CELA3B: variants seen among roughly 807,000 people sequenced by gnomAD.
CELA3B encodes chymotrypsin-like elastase family member 3B.
Under a neutral mutation model 37.2 loss-of-function variants are expected in CELA3B, and 34 were observed. The ratio of observed to expected loss-of-function variants is 0.91; its 90% CI spans 0.70 to 1.22. The LOEUF is 1.22. Ranked by LOEUF, CELA3B falls within the 50% of genes most tolerant of loss-of-function variation. The pLI, the probability that CELA3B is intolerant of heterozygous loss-of-function variation, is 0.00. For synonymous variants in CELA3B, 127 were observed against 143.5 expected, an observed-to-expected ratio of 0.89 and a Z score of 0.82; for missense variants, 340 against 363.1, an observed-to-expected ratio of 0.94 and a Z score of 0.52.
intron 7 of CELA3B, among the ~76,000 whole-genome samples, chr1:21,988,723 C>A (rs558680120): frequency 2.9e-4 from 44 of 151,678 alleles, no homozygotes; most frequent in African/African-American, 8.5e-4. Context: ...AACCCTGTCT[C>A]TACTAAAAAT....
intron 7 of CELA3B, 73 bp downstream of exon 7, chr1:21,986,756 G>C: frequency 1.3e-6 from 2 of 1,510,344 alleles, no homozygotes; most frequent in South Asian, 1.2e-5. Context: ...GAGAAACATC[G>C]GATCCTGGGG....
At chr1:21,991,646 A>C (rs1401667564), downstream of CELA3B, among the ~76,000 whole-genome samples, 4 of 150,872 alleles carry the variant, frequency 2.7e-5, no homozygotes, top group Admixed American at 6.6e-5. Flanking sequence ...AGGATCTATA[A>C]ATTTGGAAAG....
rs1452514390 is a variant in CELA3B at position 21,980,838 on chromosome 1, T to C, written c.144T>C (p.Tyr48=). The part of the protein sequence containing the change: ...YSWPWQVSLQ[Y]EKSGSFYHTC... Reference sequence around the variant, plus strand: ...TGGGCCACCAGGTTTCCCTGCAGTATGAGAAAAGCGGAAGCTTCTACCACA... The same window carrying C: ...TGGGCCACCAGGTTTCCCTGCAGTACGAGAAAAGCGGAAGCTTCTACCACA... The change falls in exon 3 of 8, where the codon TAT becomes TAC. Residue 48 remains tyrosine, a synonymous_variant. Coordinates refer to ENST00000337107, the MANE Select transcript of CELA3B (RefSeq NM_007352.4). The C allele has an allele frequency of 1.3e-6, 2 of 1,597,014 alleles. No individual in the cohort carries two copies. The highest frequency in any genetic ancestry group is 1.7e-6 in the Non-Finnish European group (2 of 1,167,838).
At position 21,984,203 on chromosome 1, in the gene CELA3B, C is replaced by G. The variant is rs140887498; in HGVS notation, c.514C>G (p.Pro172Ala). 6.2e-7 allele frequency: 1 copy of G among 1,613,714 alleles called. No homozygotes were observed. Among genetic ancestry groups the G allele is most frequent in the African/African-American group, 1.3e-5 (1 of 74,928 alleles). ...TATCGCTGCAGCCAACGGGCCACTC[C>G]CAGACAAGCTGCAGGAGGCCCTGCT... ...WGRLYTNGPL[P>A]DKLQEALLPV... is the part of the protein sequence containing the mutation. The change falls in exon 6 of 8, where the codon CCA (proline) becomes GCA (alanine). Residue 172 changes from proline to alanine, a missense_variant. By Grantham distance (27) the Pro-to-Ala change is conservative. Transcript: ENST00000337107.
At chr1:21,981,402 GGGGC>G (rs1200185380) in intron 4 of CELA3B, among the ~76,000 whole-genome samples, 1 of 151,264 alleles carries the variant, frequency 6.6e-6, no homozygotes. Context: ...TGTTCAGGGA[GGGGC>G]GGGAACTCTG....
At chr1:21,994,735 C>T (rs1644883043) in intron 4 of CELA3B, among the ~76,000 whole-genome samples, 1 of 151,056 alleles carries the variant, frequency 6.6e-6, no homozygotes, top group Non-Finnish European at 1.5e-5. Flanking sequence ...CATGGTGGCT[C>T]AGATCTGTAA....
intron 4 of CELA3B, among the ~76,000 whole-genome samples, chr1:21,981,929 G>A (rs866275896): frequency 4.6e-5 from 7 of 152,010 alleles, no homozygotes; most frequent in Admixed American, 1.3e-4. Flanking sequence ...GTTTCACCGT[G>A]TTAGCCAGGA....
chr1:21,980,832 G>A lies in CELA3B; in HGVS notation c.138G>A (p.Leu46=), dbSNP rs756840151. ...VPYSWPWQVS[L]QYEKSGSFYH... ...TCCTCCTGGGCCACCAGGTTTCCCTGCAGTATGAGAAAAGCGGAAGCTTCT... is the reference window on the plus strand; with the variant it reads ...TCCTCCTGGGCCACCAGGTTTCCCTACAGTATGAGAAAAGCGGAAGCTTCT... The change falls in exon 3 of 8, where the codon CTG becomes CTA. Residue 46 remains leucine, a synonymous_variant. Transcript: ENST00000337107. The A allele has an allele frequency of 1.6e-5, 25 of 1,595,910 alleles. No individual in the cohort carries two copies. The highest frequency in any genetic ancestry group is 1.9e-5 in the Non-Finnish European group (22 of 1,167,102).
intron 6 of CELA3B, among the ~76,000 whole-genome samples, chr1:21,984,561 A>C (rs1179457734): frequency 2.6e-5 from 4 of 151,992 alleles, no homozygotes; most frequent in Non-Finnish European, 5.9e-5. Context: ...GGGACAAGTC[A>C]CTGTGTCTCC....
At chr1:21,995,204 C>A (rs1644885489) in intron 4 of CELA3B, among the ~76,000 whole-genome samples, 1 of 143,240 alleles carries the variant, frequency 7.0e-6, no homozygotes, top group Admixed American at 7.1e-5. Flanking sequence ...AGTGCAGTGG[C>A]ATGACCTCAC....
intron 6 of CELA3B, among the ~76,000 whole-genome samples, chr1:21,986,269 T>G (rs1023995505): frequency 4.0e-5 from 6 of 151,790 alleles, no homozygotes; most frequent in African/African-American, 1.5e-4. Context: ...CTTAGGAGGC[T>G]GAAGCAGGAG....
intron 4 of CELA3B, among the ~76,000 whole-genome samples, chr1:21,995,098 C>T (rs1014426635): frequency 1.4e-5 from 2 of 148,030 alleles, no homozygotes; most frequent in African/African-American, 5.0e-5. Flanking sequence ...TGGAAGAGAC[C>T]TGTGGTGGCT....
downstream of CELA3B, among the ~76,000 whole-genome samples, chr1:21,992,425 C>G (rs1382042568): frequency 6.6e-6 from 1 of 151,720 alleles, no homozygotes; most frequent in Non-Finnish European, 1.5e-5. Context: ...CAACAAGACC[C>G]TGTGCATCAA....
chr1:21,994,987 G>C (rs1371161418), intron 4 of CELA3B, among the ~76,000 whole-genome samples: 3 of 109,598 alleles, frequency 2.7e-5, no homozygotes, highest in African/African-American at 1.1e-4. Flanking sequence ...GGGCGACAGA[G>C]TGAGACTTGT....
chr1:21,992,136 A>T (rs1644871524), downstream of CELA3B, among the ~76,000 whole-genome samples: 1 of 150,874 alleles, frequency 6.6e-6, no homozygotes, highest in African/African-American at 2.5e-5. Context: ...AAAAAGAAGG[A>T]GCTGTAAATA....
chr1:21,990,014 G>A (rs1175304878), downstream of CELA3B, among the ~76,000 whole-genome samples: 1 of 151,110 alleles, frequency 6.6e-6, no homozygotes, highest in African/African-American at 2.5e-5. Flanking sequence ...GGAAGATGAA[G>A]GGGAAGCAAG....
intron 7 of CELA3B, chr1:21,986,899 C>G: frequency 1.7e-6 from 1 of 599,852 alleles, no homozygotes; most frequent in East Asian, 2.9e-5. Context: ...GGAACTACAG[C>G]TGAACTTCCT....
chr1:21,985,658 G>A (rs540261756), intron 6 of CELA3B, among the ~76,000 whole-genome samples: 2 of 151,570 alleles, frequency 1.3e-5, no homozygotes, highest in Admixed American at 1.3e-4. Flanking sequence ...TTGGGAGGCC[G>A]AGCCGGGCGG....
chr1:21,986,728 T>C (rs767575374), intron 7 of CELA3B, 45 bp downstream of exon 7: 52 of 1,580,290 alleles, frequency 3.3e-5, no homozygotes, highest in Non-Finnish European at 4.2e-5. Context: ...GTGGTGGCTC[T>C]TCTGAGAGGT....
Sources: gnomAD v4.1 joint callset for allele counts (sites outside exome capture counted in the v4.1 genomes callset) on GRCh38, gnomAD v4.1.1 for gene constraint, MANE v1.5 for transcripts, NCBI Gene and HGNC (gene_info 2026-07-23, HGNC 2026-07-21) for gene names.